The following ANKS1B variants were observed in gnomAD, a reference collection of about 807,000 sequenced individuals.
The protein encoded by ANKS1B is ankyrin repeat and sterile alpha motif domain-containing protein 1B.
ANKS1B carries 36 observed loss-of-function variants against 148.3 expected under a neutral mutation model. The observed-to-expected ratio is 0.24, with a 90% confidence interval of 0.19 to 0.32. The LOEUF (loss-of-function observed/expected upper bound fraction) is 0.32, where lower values mean the gene tolerates loss of function less well. Among genes scored for constraint, ANKS1B ranks in the 10% least tolerant of loss-of-function variants. ANKS1B has a pLI of 1.00. For synonymous variants in ANKS1B, 542 were observed against 560.8 expected, an observed-to-expected ratio of 0.97 and a Z score of 0.47; for missense variants, 1,157 against 1,542.6, an observed-to-expected ratio of 0.75 and a Z score of 4.19.
chr12:99,901,527 T>C (rs941559902), intron 1 of ANKS1B, among the ~76,000 whole-genome samples: 1 of 152,212 alleles, frequency 6.6e-6, no homozygotes, highest in Non-Finnish European at 1.5e-5. Flanking sequence ...TGGAATCCTA[T>C]AGTGGACATT....
intron 25 of ANKS1B, among the ~76,000 whole-genome samples, chr12:98,765,447 A>G (rs975196207): frequency 6.6e-6 from 1 of 151,344 alleles, no homozygotes; most frequent in African/African-American, 2.4e-5. Flanking sequence ...TATTTTTAGT[A>G]GAGATGGGGT....
intron 8 of ANKS1B, among the ~76,000 whole-genome samples, chr12:99,707,379 G>A (rs2055969985): frequency 1.3e-5 from 2 of 151,948 alleles, no homozygotes; most frequent in Non-Finnish European, 2.9e-5. Context: ...ACTATCTTTA[G>A]CAGTGCCAAT....
chr12:99,001,720 G>A (rs535522945), intron 17 of ANKS1B, among the ~76,000 whole-genome samples: 25 of 152,224 alleles, frequency 1.6e-4, no homozygotes, highest in African/African-American at 4.3e-4. Context: ...ATTATTAACC[G>A]TAATTATCAT....
At chr12:99,458,501 G>C (rs1360176198) in intron 10 of ANKS1B, among the ~76,000 whole-genome samples, 1 of 150,446 alleles carries the variant, frequency 6.6e-6, no homozygotes, top group Non-Finnish European at 1.5e-5. Context: ...AAATAAAATT[G>C]ATAGACCATT....
At chr12:99,010,913 T>G (rs953166681) in intron 17 of ANKS1B, among the ~76,000 whole-genome samples, 2 of 149,998 alleles carry the variant, frequency 1.3e-5, no homozygotes, top group African/African-American at 2.4e-5. Context: ...TTTTTTTTTT[T>G]TTTTTTTTTA....
chr12:98,747,221 CAAAAAACAAAAAT>C (rs1279907660), intron 26 of ANKS1B, among the ~76,000 whole-genome samples: 3 of 151,702 alleles, frequency 2.0e-5, no homozygotes, highest in Admixed American at 1.3e-4. Flanking sequence ...AACTCAATAG[CAAAAAACAAAAAT>C]AAAAAACAAA....
At chr12:98,825,132 T>A (rs1468068716) in intron 19 of ANKS1B, among the ~76,000 whole-genome samples, 1 of 152,104 alleles carries the variant, frequency 6.6e-6, no homozygotes, top group Non-Finnish European at 1.5e-5. Context: ...CTCACCCTGT[T>A]TGGCAGATGT....
chr12:98,832,860 G>A (rs2099330182), intron 17 of ANKS1B, among the ~76,000 whole-genome samples: 1 of 152,042 alleles, frequency 6.6e-6, no homozygotes, highest in Non-Finnish European at 1.5e-5. Context: ...TGAGAGCAGG[G>A]CACTGGCATA....
rs79970884 is a variant in ANKS1B, at chr12:99,867,503, G to C, written c.135-42114C>G. ...TCACAATCATGGTAGAGGGCGAAAG[G>C]CATGTTGTCTTACATGGCAGCAGGC... On this transcript the variant is annotated intron_variant, in intron 1 of 26. Transcript: ENST00000683438. Among the ~76,000 whole-genome samples the C allele has an allele frequency of 8.1e-4, 124 of 152,280 alleles. 1 individual carries two copies. The highest frequency in any genetic ancestry group is 1.2e-3 in the Non-Finnish European group (80 of 68,028).
At chr12:98,864,002 T>C (rs987097999) in intron 17 of ANKS1B, among the ~76,000 whole-genome samples, 1 of 152,194 alleles carries the variant, frequency 6.6e-6, no homozygotes, top group Non-Finnish European at 1.5e-5. Context: ...CTGACTGTTG[T>C]GTCCTCAGTA....
intron 1 of ANKS1B, among the ~76,000 whole-genome samples, chr12:99,887,007 A>C (rs2092855183): frequency 1.3e-5 from 2 of 152,346 alleles, no homozygotes; most frequent in South Asian, 4.1e-4. Flanking sequence ...TGCCAAAGCA[A>C]ATCCCCAGAA....
intron 6 of ANKS1B, among the ~76,000 whole-genome samples, chr12:99,777,096 C>T (rs564744536): frequency 2.1e-4 from 32 of 152,288 alleles, no homozygotes; most frequent in African/African-American, 7.5e-4. Context: ...AGCGTTCAGC[C>T]CACAAGTGGC....
chr12:98,823,781 G>A (rs930865034), intron 19 of ANKS1B, among the ~76,000 whole-genome samples: 6 of 152,192 alleles, frequency 3.9e-5, no homozygotes, highest in South Asian at 2.1e-4. Context: ...CGTGAGCCAC[G>A]GTGCCTGGCC....
At chr12:99,891,756 G>T (rs1011285402) in intron 1 of ANKS1B, among the ~76,000 whole-genome samples, 6 of 152,084 alleles carry the variant, frequency 3.9e-5, no homozygotes, top group African/African-American at 1.4e-4. Flanking sequence ...ATTTATTAGG[G>T]TTGTTTTGGG....
intron 1 of ANKS1B, among the ~76,000 whole-genome samples, chr12:99,876,589 G>A (rs772908482): frequency 8.6e-5 from 13 of 151,892 alleles, no homozygotes; most frequent in Admixed American, 2.0e-4. Context: ...AAAATTAGCC[G>A]GGAGTGGTGG....
At chr12:99,887,528 T>C (rs184382063) in intron 1 of ANKS1B, among the ~76,000 whole-genome samples, 1 of 152,294 alleles carries the variant, frequency 6.6e-6, no homozygotes, top group Non-Finnish European at 1.5e-5. Flanking sequence ...TGGATCAGTA[T>C]GGTTGAATAA....
At chr12:99,111,502 G>T (rs1188363739) in intron 15 of ANKS1B, among the ~76,000 whole-genome samples, 1 of 151,894 alleles carries the variant, frequency 6.6e-6, no homozygotes, top group Non-Finnish European at 1.5e-5. Context: ...TGAGAGAGAA[G>T]ACTATTATAT....
At chr12:99,225,631 T>C (rs917734367) in intron 14 of ANKS1B, among the ~76,000 whole-genome samples, 10 of 152,186 alleles carry the variant, frequency 6.6e-5, no homozygotes, top group Non-Finnish European at 1.2e-4. Flanking sequence ...TGGGCAGACT[T>C]GCTGAGTCTT....
At chr12:98,974,504 C>T (rs756236719) in intron 17 of ANKS1B, among the ~76,000 whole-genome samples, 4 of 152,096 alleles carry the variant, frequency 2.6e-5, no homozygotes, top group Non-Finnish European at 5.9e-5. Context: ...CCAAGCCCAA[C>T]CTAGTGTAGA....
Sources: gnomAD v4.1 joint callset for allele counts (sites outside exome capture counted in the v4.1 genomes callset) on GRCh38, gnomAD v4.1.1 for gene constraint, MANE v1.5 for transcripts, NCBI Gene and HGNC (gene_info 2026-07-23, HGNC 2026-07-21) for gene names.